MDGA2: variants seen among roughly 807,000 people sequenced by gnomAD.
MDGA2 encodes the protein MAM domain-containing glycosylphosphatidylinositol anchor protein 2.
A neutral mutation model predicts 117.8 loss-of-function variants in MDGA2; 40 were observed. The observed-to-expected ratio is 0.34, with a 90% CI of 0.26 to 0.44. The LOEUF is 0.44. MDGA2 is among the 20% of genes least tolerant of loss of function. The pLI, the probability that MDGA2 is intolerant of heterozygous loss-of-function variation, is 1.00. For missense variants in MDGA2, 1,123 were observed against 1,250.6 expected, an observed-to-expected ratio of 0.90 and a Z score of 1.54; for synonymous variants, 452 against 439.0, an observed-to-expected ratio of 1.03 and a Z score of -0.37.
chr14:47,476,143 T>C (rs1001402542), intron 1 of MDGA2, among the ~76,000 whole-genome samples: 2 of 152,166 alleles, frequency 1.3e-5, no homozygotes, highest in Non-Finnish European at 2.9e-5. Flanking sequence ...TCCATGAATA[T>C]AAACAACTTG....
chr14:47,153,199 G>T (rs1157226446), intron 3 of MDGA2, among the ~76,000 whole-genome samples: 1 of 152,088 alleles, frequency 6.6e-6, no homozygotes, highest in Non-Finnish European at 1.5e-5. Flanking sequence ...GAGATTTGGG[G>T]GTGGCAAAAA....
intron 1 of MDGA2, among the ~76,000 whole-genome samples, chr14:47,386,212 C>T (rs1891753952): frequency 6.6e-6 from 1 of 151,784 alleles, no homozygotes; most frequent in Admixed American, 6.6e-5. Context: ...AACACGGAGG[C>T]GGAAGTTGCA....
chr14:46,992,007 A>G (rs1187107116), intron 8 of MDGA2, among the ~76,000 whole-genome samples: 1 of 152,156 alleles, frequency 6.6e-6, no homozygotes, highest in Non-Finnish European at 1.5e-5. Flanking sequence ...CACTAGGAGG[A>G]GAATAATGGC....
At chr14:47,486,009 G>A (rs901080049) in intron 1 of MDGA2, among the ~76,000 whole-genome samples, 5 of 152,168 alleles carry the variant, frequency 3.3e-5, no homozygotes, top group African/African-American at 4.8e-5. Context: ...GTGAGGCACT[G>A]CCTAGTGCAG....
chr14:47,537,083 G>C (rs748903008), intron 1 of MDGA2, among the ~76,000 whole-genome samples: 2 of 152,036 alleles, frequency 1.3e-5, no homozygotes, highest in African/African-American at 2.4e-5. Context: ...AAAAGACTTT[G>C]AACAGATGTC....
chr14:47,619,898 G>T (rs1293190567), intron 1 of MDGA2, among the ~76,000 whole-genome samples: 6 of 150,906 alleles, frequency 4.0e-5, no homozygotes, highest in African/African-American at 1.5e-4. Context: ...AGTGGAGCCT[G>T]ACTGACTCAC....
intron 8 of MDGA2, among the ~76,000 whole-genome samples, chr14:47,002,543 T>C (rs1887569242): frequency 6.6e-6 from 1 of 151,852 alleles, no homozygotes; most frequent in Non-Finnish European, 1.5e-5. Context: ...GCCTGACCAA[T>C]ATGGCAAAAC....
rs1260398822 is a variant in MDGA2, at chr14:46,943,932, TCA to T, written c.2089+13440_2089+13441del. ...AGGAAAGGTGTGTTCCAATTAAACT[TCA>T]TTTACAAAAAACAGTTTGCTGACCT... On this transcript the variant is annotated intron_variant, in intron 9 of 16. Coordinates refer to ENST00000399232, the MANE Select transcript of MDGA2 (RefSeq NM_001113498.3). 2.6e-5 allele frequency among the ~76,000 whole-genome samples: 4 copies of T among 152,178 alleles called. No homozygotes were observed. The East Asian group carries it at 7.7e-4, about 29-fold the overall frequency.
intron 8 of MDGA2, among the ~76,000 whole-genome samples, chr14:47,027,272 A>G (rs1888508375): frequency 6.6e-6 from 1 of 152,116 alleles, no homozygotes; most frequent in Admixed American, 6.6e-5. Flanking sequence ...GAAATGATAT[A>G]ATGATATTAT....
chr14:47,611,967 G>A (rs1335409634), intron 1 of MDGA2, among the ~76,000 whole-genome samples: 1 of 152,122 alleles, frequency 6.6e-6, no homozygotes, highest in Admixed American at 6.6e-5. Flanking sequence ...TACTTTCCAA[G>A]AGTGGAAAGT....
chr14:47,309,318 C>T (rs1216449799), intron 1 of MDGA2, among the ~76,000 whole-genome samples: 9 of 152,106 alleles, frequency 5.9e-5, no homozygotes, highest in Admixed American at 5.9e-4. Context: ...TACCAACCTC[C>T]CACCGCCATG....
intron 7 of MDGA2, among the ~76,000 whole-genome samples, chr14:47,036,729 C>A (rs1888869303): frequency 6.6e-6 from 1 of 152,142 alleles, no homozygotes; most frequent in Non-Finnish European, 1.5e-5. Context: ...GGTACAAAAC[C>A]AAACATAATT....
At position 47,105,674 on chromosome 14, in the gene MDGA2, C is replaced by T. The variant is rs1347471221; in HGVS notation, c.926-8551G>A. Among the ~76,000 whole-genome samples the T allele has an allele frequency of 2.6e-4, 39 of 151,192 alleles. 1 individual carries two copies. The highest frequency in any genetic ancestry group is 2.2e-3 in the East Asian group (11 of 5,108). On this transcript the variant is annotated intron_variant, in intron 5 of 16. Coordinates refer to ENST00000399232, the MANE Select transcript of MDGA2 (RefSeq NM_001113498.3). Reference sequence around the variant, plus strand: ...TAGGCAAACGGTCTGAGGTGCCTGACGTCCAGGCATTCTTTTACACATCAG... The same window carrying T: ...TAGGCAAACGGTCTGAGGTGCCTGATGTCCAGGCATTCTTTTACACATCAG...
intron 1 of MDGA2, among the ~76,000 whole-genome samples, chr14:47,654,547 TC>T (rs1897707616): frequency 6.6e-6 from 1 of 152,028 alleles, no homozygotes; most frequent in Admixed American, 6.6e-5. Context: ...GCCAATATGT[TC>T]CAGTAGAATC....
chr14:47,508,102 T>A (rs1211130129), intron 1 of MDGA2, among the ~76,000 whole-genome samples: 2 of 152,224 alleles, frequency 1.3e-5, no homozygotes, highest in Non-Finnish European at 2.9e-5. Context: ...CCATTCTCTA[T>A]GGAAGACTTC....
At chr14:47,053,571 A>C (rs1420894559) in intron 7 of MDGA2, among the ~76,000 whole-genome samples, 2 of 145,768 alleles carry the variant, frequency 1.4e-5, no homozygotes, top group Admixed American at 7.0e-5. Flanking sequence ...GCTTTCAACT[A>C]TGAGTAGCAA....
chr14:47,520,554 T>C (rs2138712076), intron 1 of MDGA2, among the ~76,000 whole-genome samples: 1 of 152,314 alleles, frequency 6.6e-6, no homozygotes, highest in Middle Eastern at 3.4e-3. Flanking sequence ...GAAATTATAT[T>C]AGTCATTTTT....
chr14:47,504,783 C>G (rs556467312), intron 1 of MDGA2, among the ~76,000 whole-genome samples: 2 of 152,102 alleles, frequency 1.3e-5, no homozygotes, highest in Non-Finnish European at 2.9e-5. Context: ...GAAAACAGTA[C>G]GGAAGTTCCA....
At chr14:47,027,030 C>T (rs1254081057) in intron 8 of MDGA2, among the ~76,000 whole-genome samples, 1 of 151,656 alleles carries the variant, frequency 6.6e-6, no homozygotes, top group African/African-American at 2.4e-5. Context: ...AAAATTAGCC[C>T]AGCATGGTGG....
Sources: allele counts gnomAD v4.1 joint callset (sites outside exome capture counted in the v4.1 genomes callset), GRCh38; gene constraint gnomAD v4.1.1; transcripts MANE v1.5; gene names NCBI Gene and HGNC (gene_info 2026-07-23, HGNC 2026-07-21).